The following GOLGA6L7 variants were observed in gnomAD, a reference collection of about 807,000 sequenced individuals.
The protein encoded by GOLGA6L7 is golgin A6 family like 7.
GOLGA6L7 carries 29 observed loss-of-function variants against 68.9 expected under a neutral mutation model. The observed-to-expected ratio is 0.42, with a 90% CI of 0.31 to 0.57. The LOEUF (loss-of-function observed/expected upper bound fraction) is 0.57. Ranked by LOEUF, GOLGA6L7 falls within the 20% of genes least tolerant of loss-of-function variation. The probability of loss-of-function intolerance (pLI) is 0.13; values close to 1 mark genes in which losing one functional copy is unlikely to be tolerated. For missense variants in GOLGA6L7, 396 were observed against 588.4 expected (o/e 0.67, Z 3.38); for synonymous variants, 133 against 197.4 (o/e 0.67, Z 2.73).
chr15:28,844,394 C>T (rs4513068), intron 6 of GOLGA6L7, 131 bp from the exon 7 acceptor site: 77,145 of 377,360 alleles, frequency 0.2, 10,045 homozygotes, highest in African/African-American at 0.45. Context: ...GTTCTCAAGG[C>T]GTTTCCAAAC....
intron 1 of GOLGA6L7, 54 bp from the exon 2 acceptor site, chr15:28,847,246 C>A (rs2030473545): frequency 2.8e-6 from 3 of 1,078,850 alleles, no homozygotes; most frequent in Non-Finnish European, 3.9e-6. Flanking sequence ...CCTACAGTCA[C>A]TTTACAGTTT....
In GOLGA6L7 at chr15:28,842,491, T is replaced by A; in HGVS notation, c.1613A>T (p.Glu538Val). 8.6e-7 allele frequency: 1 copy of A among 1,158,180 alleles called. No individual in the cohort carries two copies. The highest frequency in any genetic ancestry group is 3.7e-5 in the South Asian group (1 of 27,234). 71.7% of individuals were successfully genotyped at this position (1,158,180 alleles called of 1,614,324 possible). A position where few individuals can be genotyped will look rare whatever the true frequency, so the allele number is the denominator to read the frequency against. ...REKKERMGEQ[E>V]KTQEERCSEP... ...TGAGCACCGCTCCTCCTGCGTCTTC[T>A]CCTGCTCTCCCATCCTCTCCTTCTT... The change falls in exon 9 of 9, where the codon GAG becomes GTG. Residue 538 changes from glutamate (E) to valine (V), a missense_variant. By Grantham distance (121) the Glu-to-Val change is moderately radical. Coordinates refer to ENST00000567390, the MANE Select transcript of GOLGA6L7 (RefSeq NM_001365371.2).
In GOLGA6L7 at chr15:28,844,431, T is replaced by TTTTC. The variant is rs1555515063; in HGVS notation, c.463-169_463-168insGAAA. 9.8e-5 allele frequency among the ~76,000 whole-genome samples: 8 copies of TTTTC among 81,278 alleles called. No homozygotes were observed. The East Asian group carries it at 2.1e-3, about 21-fold the overall frequency. 53.3% of individuals were successfully genotyped at this position (81,278 alleles called of 152,430 possible). A position where few individuals can be genotyped will look rare whatever the true frequency, so the allele number is the denominator to read the frequency against. The stretch of plus-strand genomic sequence containing the variant: ...CGTGGTGTCATTTGTTTTTCTTTTC[T>TTTTC]TTTTTTTTTTTTTTTTGAGATGGAG... On this transcript the variant is annotated intron_variant, in intron 6 of 8. Coordinates refer to ENST00000567390, the MANE Select transcript of GOLGA6L7 (RefSeq NM_001365371.2).
At chr15:28,846,358 C>T in intron 2 of GOLGA6L7, 109 bp from the exon 3 acceptor site, 1 of 708,300 alleles carries the variant, frequency 1.4e-6, no homozygotes, top group Non-Finnish European at 2.6e-6. Context: ...GCAAAGTTCT[C>T]AGACCCAATG....
At position 28,841,966 on chromosome 15, in the gene GOLGA6L7, TGA is replaced by T; in HGVS notation, c.*267_*268del. On this transcript the variant is annotated 3_prime_UTR_variant, in exon 9 of 9. Coordinates refer to ENST00000567390, the MANE Select transcript of GOLGA6L7 (RefSeq NM_001365371.2). ...CAGGTAGAATTTTTTTTTTTTTTTT[TGA>T]AATGGGAGTTTCACTCTGTCACCCA... 1 of 230,158 alleles carries T rather than the reference TGA, an allele frequency of 4.3e-6. No homozygotes were observed. The highest frequency in any genetic ancestry group is 8.0e-6 in the Non-Finnish European group (1 of 124,962). 14.3% of individuals were successfully genotyped at this position (230,158 alleles called of 1,614,324 possible).
chr15:28,847,281 C>G, intron 1 of GOLGA6L7, 89 bp from the exon 2 acceptor site: 1 of 756,342 alleles, frequency 1.3e-6, no homozygotes. Flanking sequence ...CATAGACGAT[C>G]TGACTTAATG....
chr15:28,847,466 A>G (rs151230741), intron 1 of GOLGA6L7, among the ~76,000 whole-genome samples: 1,649 of 151,812 alleles, frequency 0.011, 18 homozygotes, highest in African/African-American at 0.038. Context: ...AGAGGTAGAA[A>G]AGTAAAAAGT....
rs879072018 is a variant in GOLGA6L7 at position 28,842,933 on chromosome 15, C to A, written c.1171G>T (p.Gly391Trp). Residue 391 changes from glycine (G) to tryptophan (W), a missense_variant, in exon 9 of 9, where the codon GGG (glycine) becomes TGG (tryptophan). Physicochemically the swap from Gly to Trp is radical, Grantham distance 184. This residue lies in a region of GOLGA6L7 where 114 missense variants were observed against 186.0 expected (regional missense o/e 0.61). Transcript: ENST00000567390. ...EQMWKQEEQI[G>W]EQEEQMRKQE... is the part of the protein sequence containing the mutation. ...TTTCGCATCTGCTCCTCCTGCTCCCCTATCTGCTCCTCCTGCTTCCACATC... is the reference window on the plus strand; with the variant it reads ...TTTCGCATCTGCTCCTCCTGCTCCCATATCTGCTCCTCCTGCTTCCACATC... The A allele has an allele frequency of 3.0e-5, 35 of 1,178,094 alleles. 1 individual carries two copies. The highest frequency in any genetic ancestry group is 5.2e-5 in the Admixed American group (1 of 19,406). 73.0% of individuals were successfully genotyped at this position (1,178,094 alleles called of 1,614,324 possible).
At chr15:28,848,034 C>T (rs1411405530) in intron 1 of GOLGA6L7, among the ~76,000 whole-genome samples, 2 of 152,174 alleles carry the variant, frequency 1.3e-5, no homozygotes, top group Non-Finnish European at 2.9e-5. Context: ...GGTTGGGACC[C>T]AGGTACTTGG....
rs868746790 is a variant in GOLGA6L7, at chr15:28,842,100, G to A, written c.*135C>T. ...GCCTCCCAAAGTGGTGTGATTACAG[G>A]TGCAGGCCACCGTGCCCGGCCAGTA... is the stretch of plus-strand genomic sequence containing the variant. On this transcript the variant is annotated 3_prime_UTR_variant, in exon 9 of 9. Transcript: ENST00000567390. 47 of 710,016 alleles carry A rather than the reference G, an allele frequency of 6.6e-5. No homozygotes were observed. Among genetic ancestry groups the A allele is most frequent in the Middle Eastern group, 9.3e-4 (2 of 2,156 alleles). 44.0% of individuals were successfully genotyped at this position (710,016 alleles called of 1,614,324 possible).
intron 6 of GOLGA6L7, among the ~76,000 whole-genome samples, 186 bp from the exon 7 acceptor site, chr15:28,844,449 AG>A (rs2030337284): frequency 1.4e-5 from 1 of 69,708 alleles, no homozygotes; most frequent in Admixed American, 1.7e-4. Flanking sequence ...TTTTTTTTTG[AG>A]ATGGAGTTTC....
chr15:28,846,288 C>T (rs768871802), intron 2 of GOLGA6L7, 39 bp from the exon 3 acceptor site: 25 of 759,826 alleles, frequency 3.3e-5, no homozygotes, highest in Non-Finnish European at 5.3e-5. Context: ...GAGGGTGGTC[C>T]CTCGACTCTA....
At chr15:28,848,433 G>C in intron 1 of GOLGA6L7, 66 bp downstream of exon 1, 4 of 688,184 alleles carry the variant, frequency 5.8e-6, no homozygotes, top group Non-Finnish European at 8.0e-6. Context: ...TCTGGCAGCT[G>C]TTCTGCCATC....
intron 6 of GOLGA6L7, 127 bp from the exon 7 acceptor site, chr15:28,844,390 A>G (rs565389083): frequency 5.2e-6 from 2 of 382,046 alleles, no homozygotes; most frequent in Non-Finnish European, 9.3e-6. Context: ...ACATGTTCTC[A>G]AGGCGTTTCC....
intron 1 of GOLGA6L7, 24 bp downstream of exon 1, chr15:28,848,475 G>T (rs1165246056): frequency 2.9e-6 from 2 of 701,108 alleles, no homozygotes; most frequent in South Asian, 1.5e-5. Context: ...TGGGGTTGGG[G>T]TGCTGCAATC....
At chr15:28,845,127 C>T (rs1157925955) in intron 6 of GOLGA6L7, 52 of 38,402 alleles carry the variant, frequency 1.4e-3, no homozygotes, top group African/African-American at 0.011. Context: ...TACGTACGTA[C>T]ACACACACAC....
chr15:28,845,688 T>A, intron 5 of GOLGA6L7, 30 bp downstream of exon 5: 1 of 764,084 alleles, frequency 1.3e-6, no homozygotes, highest in Non-Finnish European at 2.4e-6. Flanking sequence ...AGTGCCAGGT[T>A]GAAGGATGAC....
chr15:28,842,580 A>T lies in GOLGA6L7; in HGVS notation c.1524T>A (p.Asp508Glu). 1.6e-6 allele frequency: 2 copies of T among 1,263,130 alleles called. No homozygotes were observed. The highest frequency in any genetic ancestry group is 3.3e-5 in the South Asian group (1 of 30,290). The allele number at this position is 1,263,130 out of a possible 1,614,324, so 78.2% of individuals were successfully genotyped here. A position where few individuals can be genotyped will look rare whatever the true frequency, so the allele number is the denominator to read the frequency against. ...RLQFKEERLW[D>E]EYEKMQEEEE... ...CCTCCTCCTGCATCTTCTCATACTC[A>T]TCCCACAGCCTCTCCTCCTTGAATT... Residue 508 changes from aspartate (D) to glutamate (E), a missense_variant, in exon 9 of 9, where the codon GAT (aspartate) becomes GAA (glutamate). Asp to Glu is a conservative substitution (Grantham distance 45). Around this residue, in one of 5 missense-constraint regions of GOLGA6L7, gnomAD observed 125 missense variants for 163.3 expected, o/e 0.77. Transcript: ENST00000567390.
At position 28,842,275 on chromosome 15, in the gene GOLGA6L7, TAGA is replaced by T; in HGVS notation, c.1826_1828del (p.Phe609del). The stretch of plus-strand genomic sequence containing the variant: ...CTTGATCTTTTTCTTGTCTCCTCCG[TAGA>T]AGAATGGGATGCAGGAGGTGCTGCC... On this transcript the variant is annotated inframe_deletion, in exon 9 of 9. Transcript: ENST00000567390. The T allele has an allele frequency of 8.1e-7, 1 of 1,229,858 alleles. No individual in the cohort carries two copies. The highest frequency in any genetic ancestry group is 4.2e-5 in the Admixed American group (1 of 23,732). 76.2% of individuals were successfully genotyped at this position (1,229,858 alleles called of 1,614,324 possible). A position where few individuals can be genotyped will look rare whatever the true frequency, so the allele number is the denominator to read the frequency against.
Sources: gnomAD v4.1 joint callset for allele counts (sites outside exome capture counted in the v4.1 genomes callset) on GRCh38, gnomAD v4.1.1 for gene constraint, gnomAD v4.1.1 regional missense constraint, MANE v1.5 for transcripts, NCBI Gene and HGNC (gene_info 2026-07-23, HGNC 2026-07-21) for gene names.